FOXO1: variants seen among roughly 807,000 people sequenced by gnomAD.
FOXO1 encodes forkhead box O1.
In FOXO1, 6 loss-of-function variants were observed where a neutral mutation model predicts 44.1. The observed-to-expected ratio is 0.14, with a 90% CI of 0.07 to 0.27. The LOEUF (loss-of-function observed/expected upper bound fraction) is 0.27. FOXO1 is among the 10% of genes least tolerant of loss of function. The pLI is 1.00. For missense variants in FOXO1, 737 were observed against 888.8 expected, an observed-to-expected ratio of 0.83 and a Z score of 2.17; for synonymous variants, 380 against 362.7, an observed-to-expected ratio of 1.05 and a Z score of -0.54.
chr13:40,612,855 G>C (rs1191823587), intron 1 of FOXO1, among the ~76,000 whole-genome samples: 2 of 152,122 alleles, frequency 1.3e-5, no homozygotes, highest in Non-Finnish European at 1.5e-5. Context: ...TATACACAGG[G>C]TCTGATACTA....
At chr13:40,646,799 G>T (rs372590874) in intron 1 of FOXO1, among the ~76,000 whole-genome samples, 5 of 151,864 alleles carry the variant, frequency 3.3e-5, no homozygotes, top group African/African-American at 9.7e-5. Context: ...TCACCATGTC[G>T]GCCAGGGTGG....
chr13:40,637,443 C>CAA (rs894457880), intron 1 of FOXO1, among the ~76,000 whole-genome samples: 1,453 of 51,050 alleles, frequency 0.028, 2 homozygotes, highest in Non-Finnish European at 0.037. Flanking sequence ...GACTCCATCA[C>CAA]AAAAAAAAAA....
intron 1 of FOXO1, among the ~76,000 whole-genome samples, chr13:40,580,266 C>T (rs183022938): frequency 5.9e-5 from 9 of 152,298 alleles, no homozygotes; most frequent in African/African-American, 1.9e-4. Flanking sequence ...CACACACACA[C>T]CTGCATAACC....
chr13:40,631,451 T>A (rs569878086), intron 1 of FOXO1, among the ~76,000 whole-genome samples: 5 of 152,134 alleles, frequency 3.3e-5, no homozygotes, highest in African/African-American at 9.6e-5. Context: ...GAAAAAAAAA[T>A]AGATACTTTG....
At chr13:40,642,315 C>T (rs775647706) in intron 1 of FOXO1, among the ~76,000 whole-genome samples, 12 of 152,150 alleles carry the variant, frequency 7.9e-5, no homozygotes, top group Non-Finnish European at 1.3e-4. Context: ...TCTAGACATA[C>T]AGTCAGCGAA....
chr13:40,613,755 G>A (rs1876318584), intron 1 of FOXO1, among the ~76,000 whole-genome samples: 1 of 152,154 alleles, frequency 6.6e-6, no homozygotes, highest in African/African-American at 2.4e-5. Context: ...AGCCACACCA[G>A]AGCCCTCCAG....
At chr13:40,607,489 A>C (rs1018011448) in intron 1 of FOXO1, among the ~76,000 whole-genome samples, 4 of 118,240 alleles carry the variant, frequency 3.4e-5, no homozygotes, top group African/African-American at 1.3e-4. Context: ...TTGTTCCTAG[A>C]GTGCTTTACT....
chr13:40,662,646 AAC>A (rs1164585576), intron 1 of FOXO1, among the ~76,000 whole-genome samples: 2 of 152,228 alleles, frequency 1.3e-5, no homozygotes, highest in African/African-American at 2.4e-5. Flanking sequence ...TGAATTCATT[AAC>A]AGTTTTCCAA....
At chr13:40,563,776 T>C (rs538901035) in intron 1 of FOXO1, among the ~76,000 whole-genome samples, 1 of 152,168 alleles carries the variant, frequency 6.6e-6, no homozygotes, top group Non-Finnish European at 1.5e-5. Context: ...CACACATGTA[T>C]GCTCACAGAG....
chr13:40,563,998 C>T (rs7325210), intron 1 of FOXO1, among the ~76,000 whole-genome samples: 2,018 of 152,230 alleles, frequency 0.013, 37 homozygotes, highest in African/African-American at 0.043. Context: ...AGATAAGCTC[C>T]GATGAAATCT....
Position 40,665,947 on chromosome 13 carries a change from G to A in FOXO1, c.266C>T (p.Ser89Phe). Residue 89 changes from serine to phenylalanine, a missense_variant, in exon 1 of 3, where the codon TCC (serine) becomes TTC (phenylalanine). Ser to Phe is a radical substitution (Grantham distance 155, BLOSUM62 -2). Around this residue, in one of 7 missense-constraint regions of FOXO1, gnomAD observed 213 missense variants for 236.4 expected, o/e 0.90. Transcript: ENST00000379561. ...CGCCGCCGCCACCGCCGCCGCCACGGAGCCGGGCGCCTGCGGGAAGTCCTC... is the reference window on the plus strand; with the variant it reads ...CGCCGCCGCCACCGCCGCCGCCACGAAGCCGGGCGCCTGCGGGAAGTCCTC... Reference protein sequence around the residue: ...ESEDFPQAPGSVAAAVAAAAA... With the variant: ...ESEDFPQAPGFVAAAVAAAAA... 1 of 1,224,668 alleles carries A rather than the reference G, an allele frequency of 8.2e-7. No individual in the cohort carries two copies. Among genetic ancestry groups the A allele is most frequent in the Non-Finnish European group, 1.0e-6 (1 of 986,244 alleles). 75.9% of individuals were successfully genotyped at this position (1,224,668 alleles called of 1,614,324 possible).
chr13:40,598,494 C>T (rs1304999204), intron 1 of FOXO1, among the ~76,000 whole-genome samples: 2 of 151,958 alleles, frequency 1.3e-5, no homozygotes, highest in Non-Finnish European at 2.9e-5. Flanking sequence ...CAGTCTTTTC[C>T]ACTAGCACAA....
intron 1 of FOXO1, among the ~76,000 whole-genome samples, chr13:40,660,778 T>C (rs1195404204): frequency 2.0e-5 from 3 of 152,078 alleles, no homozygotes; most frequent in African/African-American, 7.2e-5. Flanking sequence ...CAAGTGTTTG[T>C]CACTTAAAAA....
chr13:40,641,789 C>T (rs1877362498), intron 1 of FOXO1, among the ~76,000 whole-genome samples: 1 of 152,020 alleles, frequency 6.6e-6, no homozygotes, highest in African/African-American at 2.4e-5. Context: ...AGTTCAAGAC[C>T]AGCCTGGCCA....
chr13:40,570,384 C>T (rs547096793), intron 1 of FOXO1, among the ~76,000 whole-genome samples: 3 of 150,472 alleles, frequency 2.0e-5, no homozygotes, highest in South Asian at 4.2e-4. Context: ...GAACGTACTA[C>T]AGGACAAAAG....
intron 1 of FOXO1, among the ~76,000 whole-genome samples, chr13:40,615,413 T>C (rs1876386446): frequency 1.3e-5 from 2 of 152,118 alleles, no homozygotes; most frequent in Non-Finnish European, 2.9e-5. Context: ...TGCGCGCCTA[T>C]AATCCCAGCT....
chr13:40,651,000 T>C (rs1877662288), intron 1 of FOXO1, among the ~76,000 whole-genome samples: 1 of 152,180 alleles, frequency 6.6e-6, no homozygotes, highest in South Asian at 2.1e-4. Context: ...AGTGATCTGC[T>C]GACTTCAAGT....
At chr13:40,657,222 T>C (rs1877885917) in intron 1 of FOXO1, among the ~76,000 whole-genome samples, 1 of 152,142 alleles carries the variant, frequency 6.6e-6, no homozygotes, top group African/African-American at 2.4e-5. Flanking sequence ...TGAAATGTCA[T>C]TAGTAGAAAA....
In FOXO1 at chr13:40,619,832, G is replaced by T. The variant is rs1876549139; in HGVS notation, c.630+45751C>A. 3.9e-6 allele frequency: 3 copies of T among 764,184 alleles called. No individual in the cohort carries two copies. The Admixed American group carries it at 5.2e-5, about 13-fold the overall frequency. 47.3% of individuals were successfully genotyped at this position (764,184 alleles called of 1,614,324 possible). A position where few individuals can be genotyped will look rare whatever the true frequency, so the allele number is the denominator to read the frequency against. On this transcript the variant is annotated intron_variant, in intron 1 of 2. Transcript: ENST00000379561. The stretch of plus-strand genomic sequence containing the variant: ...TTCAGTAGTCACACAAACCAGTCGG[G>T]TGGCAGCTAACTCAGGCAAAGGGAG...
Sources: gnomAD v4.1 joint callset for allele counts (sites outside exome capture counted in the v4.1 genomes callset) on GRCh38, gnomAD v4.1.1 for gene constraint, gnomAD v4.1.1 regional missense constraint, MANE v1.5 for transcripts, NCBI Gene and HGNC (gene_info 2026-07-23, HGNC 2026-07-21) for gene names.